The following NAALADL2 variants were observed in gnomAD, a reference collection of about 807,000 sequenced individuals.
The protein encoded by NAALADL2 is N-acetylated alpha-linked acidic dipeptidase like 2.
Under a neutral mutation model 87.2 loss-of-function variants are expected in NAALADL2, and 76 were observed. The observed-to-expected ratio is 0.87, with a 90% CI of 0.72 to 1.05. The LOEUF (loss-of-function observed/expected upper bound fraction) is 1.05, where lower values mean the gene tolerates loss of function less well. Ranked by LOEUF, NAALADL2 falls within the 50% of genes least tolerant of loss-of-function variation. NAALADL2 has a pLI of 0.00. For missense variants in NAALADL2, 1,089 were observed against 945.8 expected, an observed-to-expected ratio of 1.15 and a Z score of -1.99; for synonymous variants, 354 against 331.0, an observed-to-expected ratio of 1.07 and a Z score of -0.75.
rs577408381 is a variant in NAALADL2 at position 175,142,761 on chromosome 3, A to G, written c.545+45470A>G. Reference sequence around the variant, plus strand: ...TTCATTTCATTCTATAAGGATGATAAATCTTCCATTAATATTTGATTCTTA... The same window carrying G: ...TTCATTTCATTCTATAAGGATGATAGATCTTCCATTAATATTTGATTCTTA... On this transcript the variant is annotated intron_variant, in intron 2 of 13. Transcript: ENST00000454872. Among the ~76,000 whole-genome samples the G allele has an allele frequency of 8.9e-4, 136 of 152,070 alleles. 3 individuals are homozygous for G. The South Asian group carries it at 0.012, about 13-fold the overall frequency.
chr3:175,628,950 C>T (rs1219924635), intron 11 of NAALADL2, among the ~76,000 whole-genome samples: 1 of 150,484 alleles, frequency 6.6e-6, no homozygotes, highest in East Asian at 1.9e-4. Flanking sequence ...CTCAGCTATA[C>T]ATTTATTATG....
chr3:174,931,447 A>G (rs1015738996), intron 1 of NAALADL2, among the ~76,000 whole-genome samples: 5 of 152,196 alleles, frequency 3.3e-5, no homozygotes, highest in African/African-American at 9.6e-5. Flanking sequence ...TATTATAAAG[A>G]TTAAATGAGT....
chr3:175,553,534 A>G (rs780092804), intron 9 of NAALADL2, among the ~76,000 whole-genome samples: 69 of 152,148 alleles, frequency 4.5e-4, no homozygotes, highest in Non-Finnish European at 8.2e-4. Flanking sequence ...TACACATTGA[A>G]CTAGTTTTTT....
chr3:175,346,897 A>C (rs1763215877), intron 5 of NAALADL2, among the ~76,000 whole-genome samples: 1 of 152,234 alleles, frequency 6.6e-6, no homozygotes, highest in Non-Finnish European at 1.5e-5. Flanking sequence ...AAATAAAAAT[A>C]ATAACTACAA....
At chr3:174,679,040 T>C (rs996721137) in intron 2 of NAALADL2, among the ~76,000 whole-genome samples, 1 of 152,198 alleles carries the variant, frequency 6.6e-6, no homozygotes, top group Non-Finnish European at 1.5e-5. Flanking sequence ...TCTGTTTAAT[T>C]ATGCTGCCAG....
intron 2 of NAALADL2, among the ~76,000 whole-genome samples, chr3:174,562,378 A>G (rs1713728828): frequency 6.6e-6 from 1 of 152,176 alleles, no homozygotes; most frequent in African/African-American, 2.4e-5. Context: ...TAATATTTTT[A>G]GATCACTTAA....
At chr3:174,513,927 A>G (rs986060258) in intron 1 of NAALADL2, among the ~76,000 whole-genome samples, 2 of 152,022 alleles carry the variant, frequency 1.3e-5, no homozygotes, top group African/African-American at 2.4e-5. Flanking sequence ...TTAATTCAGT[A>G]TTGCTGATGT....
At chr3:175,428,269 GAAGTACTCAAT>G (rs1372724282) in intron 5 of NAALADL2, among the ~76,000 whole-genome samples, 1 of 152,044 alleles carries the variant, frequency 6.6e-6, no homozygotes, top group Non-Finnish European at 1.5e-5. Context: ...TAGAAAATGG[GAAGTACTCAAT>G]AAGTTTTTTT....
chr3:175,563,110 A>G (rs1361237613), intron 9 of NAALADL2, among the ~76,000 whole-genome samples: 1 of 152,126 alleles, frequency 6.6e-6, no homozygotes, highest in Non-Finnish European at 1.5e-5. Flanking sequence ...GTCTTCTAAT[A>G]TTATGAACAT....
intron 4 of NAALADL2, among the ~76,000 whole-genome samples, chr3:175,263,765 G>A (rs1164388380): frequency 6.6e-6 from 1 of 151,640 alleles, no homozygotes; most frequent in Non-Finnish European, 1.5e-5. Context: ...AAGAAGGGAG[G>A]AAGGGAAAGA....
At chr3:174,984,112 T>TAAA (rs112965373) in intron 1 of NAALADL2, among the ~76,000 whole-genome samples, 5 of 152,064 alleles carry the variant, frequency 3.3e-5, no homozygotes, top group African/African-American at 1.2e-4. Flanking sequence ...TGAGATGTTT[T>TAAA]AAAAAAACAC....
intron 11 of NAALADL2, among the ~76,000 whole-genome samples, chr3:175,641,604 C>A (rs1297474396): frequency 6.6e-6 from 1 of 152,188 alleles, no homozygotes; most frequent in African/African-American, 2.4e-5. Flanking sequence ...GCTACTCCAA[C>A]CGTGATTTAT....
rs182366276 is a variant in NAALADL2, at chr3:175,490,703, C to A, written c.1653+18945C>A. Among the ~76,000 whole-genome samples, 306 of 152,020 alleles carry A rather than the reference C, an allele frequency of 2.0e-3. 1 individual carries two copies. The highest frequency in any genetic ancestry group is 6.2e-3 in the African/African-American group (258 of 41,476). ...AGCCACCGCGCCGGACCATAAGTAA[C>A]TATTTGTATGGAAAGTACCATCAGA... On this transcript the variant is annotated intron_variant, in intron 9 of 13. Coordinates refer to ENST00000454872, the MANE Select transcript of NAALADL2 (RefSeq NM_207015.3).
chr3:175,688,667 G>A (rs889219684), intron 11 of NAALADL2, among the ~76,000 whole-genome samples: 13 of 152,140 alleles, frequency 8.5e-5, no homozygotes, highest in African/African-American at 2.9e-4. Context: ...GTTTATGGAC[G>A]GTGAGATGGA....
chr3:174,803,751 G>T (rs980607583), intron 3 of NAALADL2, among the ~76,000 whole-genome samples: 81 of 152,136 alleles, frequency 5.3e-4, no homozygotes, highest in African/African-American at 1.9e-3. Context: ...GCTTGTTTTT[G>T]TCAGGTTTGT....
rs563088948 is a variant in NAALADL2 at position 174,864,158 on chromosome 3, G to C, written c.43+4708G>C. 9.9e-4 allele frequency: 434 copies of C among 436,274 alleles called. 2 individuals are homozygous for C. Among genetic ancestry groups the C allele is most frequent in the South Asian group, 6.9e-3 (423 of 61,144 alleles). The allele number at this position is 436,274 out of a possible 1,614,324, so 27.0% of individuals were successfully genotyped here. A position where few individuals can be genotyped will look rare whatever the true frequency, so the allele number is the denominator to read the frequency against. Reference sequence around the variant, plus strand: ...GAAGATGGACTGGGTACATTTTCCAGGTACAAGAGAGGGTCTTTGCAGCAG... The same window carrying C: ...GAAGATGGACTGGGTACATTTTCCACGTACAAGAGAGGGTCTTTGCAGCAG... On this transcript the variant is annotated intron_variant, in intron 1 of 13. Coordinates refer to ENST00000454872, the MANE Select transcript of NAALADL2 (RefSeq NM_207015.3).
At position 174,777,996 on chromosome 3, in the gene NAALADL2, A is replaced by G. The variant is rs190278244; in HGVS notation, c.-9+40250A>G. Among the ~76,000 whole-genome samples, 367 of 152,266 alleles carry G rather than the reference A, an allele frequency of 2.4e-3. 2 individuals carry two copies. The highest frequency in any genetic ancestry group is 8.3e-3 in the African/African-American group (345 of 41,572). On this transcript the variant is annotated intron_variant, in intron 3 of 3. Transcript: ENST00000434257. ...AATATGCATATCTTTTAGGGATGATATAGTACTAGCATTCCAATGCTATGA... is the reference window on the plus strand; with the variant it reads ...AATATGCATATCTTTTAGGGATGATGTAGTACTAGCATTCCAATGCTATGA...
intron 2 of NAALADL2, among the ~76,000 whole-genome samples, chr3:175,140,945 G>A (rs1729902369): frequency 1.3e-5 from 2 of 152,150 alleles, no homozygotes; most frequent in African/African-American, 2.4e-5. Flanking sequence ...GAATTATGGG[G>A]CAGGTAGATT....
intron 4 of NAALADL2, among the ~76,000 whole-genome samples, chr3:175,268,715 A>AT (rs550385108): frequency 2.0e-5 from 3 of 151,958 alleles, no homozygotes; most frequent in Non-Finnish European, 4.4e-5. Context: ...TTATTGTTTT[A>AT]TTTTTTAAAC....
Sources: gnomAD v4.1 joint callset for allele counts (sites outside exome capture counted in the v4.1 genomes callset) on GRCh38, gnomAD v4.1.1 for gene constraint, MANE v1.5 for transcripts, NCBI Gene and HGNC (gene_info 2026-07-23, HGNC 2026-07-21) for gene names.